EXOC6B: variants seen among roughly 807,000 people sequenced by gnomAD.
EXOC6B encodes SEC15 homolog B.
In EXOC6B, 54 loss-of-function variants were observed where a neutral mutation model predicts 113.5. The ratio of observed to expected loss-of-function variants is 0.48; its 90% CI spans 0.38 to 0.60. The LOEUF is 0.60. Ranked by LOEUF, EXOC6B falls within the 20% of genes least tolerant of loss-of-function variation. The probability of loss-of-function intolerance (pLI) is 0.00; values close to 1 mark genes in which losing one functional copy is unlikely to be tolerated. For missense variants in EXOC6B, 797 were observed against 977.5 expected, an observed-to-expected ratio of 0.82 and a Z score of 2.46; for synonymous variants, 357 against 339.0, an observed-to-expected ratio of 1.05 and a Z score of -0.58.
At chr2:72,275,987 T>TG (rs1278043066) in intron 20 of EXOC6B, among the ~76,000 whole-genome samples, 1 of 152,014 alleles carries the variant, frequency 6.6e-6, no homozygotes, top group Non-Finnish European at 1.5e-5. Flanking sequence ...CTTCAAACAT[T>TG]CCTGAGAGAG....
chr2:72,359,262 G>A (rs1199496686), intron 19 of EXOC6B, among the ~76,000 whole-genome samples: 1 of 152,180 alleles, frequency 6.6e-6, no homozygotes, highest in Non-Finnish European at 1.5e-5. Context: ...TTTAGGAGGT[G>A]ATTAGGGCAT....
At chr2:72,642,501 C>T (rs1325980410) in intron 6 of EXOC6B, among the ~76,000 whole-genome samples, 1 of 148,214 alleles carries the variant, frequency 6.7e-6, no homozygotes, top group Non-Finnish European at 1.5e-5. Flanking sequence ...CTGAGAAAAA[C>T]AAGCAATGGG....
At chr2:72,778,555 T>C (rs1371496567) in intron 1 of EXOC6B, among the ~76,000 whole-genome samples, 1 of 152,192 alleles carries the variant, frequency 6.6e-6, no homozygotes, top group Non-Finnish European at 1.5e-5. Context: ...TGTATACTAG[T>C]TACCAAAAAA....
chr2:72,189,860 C>CTTCT (rs1178321834), intron 20 of EXOC6B, among the ~76,000 whole-genome samples: 31 of 87,254 alleles, frequency 3.6e-4, no homozygotes, highest in African/African-American at 5.9e-4. Context: ...CCTTCTTCTT[C>CTTCT]TTTTTTTTTT....
intron 18 of EXOC6B, among the ~76,000 whole-genome samples, chr2:72,454,687 A>T (rs1448707961): frequency 6.6e-6 from 1 of 152,320 alleles, no homozygotes; most frequent in Non-Finnish European, 1.5e-5. Context: ...CTTTTATTTA[A>T]TAATTACAAG....
At chr2:72,649,949 C>T (rs1674034588) in intron 6 of EXOC6B, among the ~76,000 whole-genome samples, 1 of 152,162 alleles carries the variant, frequency 6.6e-6, no homozygotes, top group African/African-American at 2.4e-5. Flanking sequence ...AAAACAAAAA[C>T]CTGAAAACCT....
At chr2:72,412,502 G>A (rs886671667) in intron 18 of EXOC6B, among the ~76,000 whole-genome samples, 4 of 152,290 alleles carry the variant, frequency 2.6e-5, no homozygotes, top group African/African-American at 9.6e-5. Context: ...CTATATGAAT[G>A]ATTACCACAA....
At chr2:72,590,784 T>C (rs1312481107) in intron 6 of EXOC6B, among the ~76,000 whole-genome samples, 2 of 152,048 alleles carry the variant, frequency 1.3e-5, no homozygotes, top group African/African-American at 4.8e-5. Flanking sequence ...CTACTACCTA[T>C]TCCTTTAAGA....
At chr2:72,541,451 G>C (rs369827729) in intron 8 of EXOC6B, among the ~76,000 whole-genome samples, 90 of 151,282 alleles carry the variant, frequency 5.9e-4, no homozygotes, top group African/African-American at 2.0e-3. Flanking sequence ...CTGGCCCCTA[G>C]ACTATAGTCT....
intron 20 of EXOC6B, among the ~76,000 whole-genome samples, chr2:72,315,365 G>T (rs1268787223): frequency 6.6e-6 from 1 of 151,806 alleles, no homozygotes; most frequent in East Asian, 1.9e-4. Flanking sequence ...GTGTGTGAAG[G>T]TTCTATAGGA....
chr2:72,407,455 A>G (rs975454762), intron 18 of EXOC6B, among the ~76,000 whole-genome samples: 1 of 152,222 alleles, frequency 6.6e-6, no homozygotes, highest in African/African-American at 2.4e-5. Context: ...ACATCGATGC[A>G]AAAATCCTCA....
intron 18 of EXOC6B, among the ~76,000 whole-genome samples, chr2:72,392,713 T>C (rs539091449): frequency 6.6e-6 from 1 of 152,316 alleles, no homozygotes; most frequent in East Asian, 1.9e-4. Flanking sequence ...CAGCAGAGTT[T>C]TGAGTTTTGT....
intron 11 of EXOC6B, 67 bp from the exon 12 acceptor site, chr2:72,500,039 T>TAAAA: frequency 2.8e-6 from 3 of 1,088,750 alleles, no homozygotes; most frequent in Non-Finnish European, 4.1e-6. Flanking sequence ...AATTTTTATT[T>TAAAA]ATTTAATTGT....
At chr2:72,409,129 C>G (rs1464762614) in intron 18 of EXOC6B, among the ~76,000 whole-genome samples, 1 of 152,182 alleles carries the variant, frequency 6.6e-6, no homozygotes, top group Non-Finnish European at 1.5e-5. Flanking sequence ...CTTATCATCA[C>G]TGGCCATCAG....
chr2:72,247,244 T>C (rs1682724421), intron 20 of EXOC6B, among the ~76,000 whole-genome samples: 1 of 152,150 alleles, frequency 6.6e-6, no homozygotes, highest in Non-Finnish European at 1.5e-5. Context: ...ATCGCAGAAA[T>C]GAAGAAGTGG....
intron 20 of EXOC6B, among the ~76,000 whole-genome samples, chr2:72,206,364 C>T (rs1679840145): frequency 6.6e-6 from 1 of 152,182 alleles, no homozygotes; most frequent in Admixed American, 6.5e-5. Context: ...TGTCCTCCTC[C>T]TTTTCCCACC....
In EXOC6B at chr2:72,825,878, G is replaced by C; in HGVS notation, c.33C>G (p.Ser11Arg). MERGKMAEAE[S>R]LETAAEHERI... ...GCTCGTGCTCTGCCGCTGTCTCCAG[G>C]CTCTCCGCCTCCGCCATCTTACCCC... The change falls in exon 1 of 22, where the codon AGC (serine) becomes AGG (arginine). Residue 11 changes from serine (S) to arginine (R), a missense_variant. Coordinates refer to ENST00000272427, the MANE Select transcript of EXOC6B (RefSeq NM_015189.3). This position sits in a 1 kb window ranked among gnomAD's most constrained non-coding sequence, Gnocchi z 4.4. 6.2e-7 allele frequency: 1 copy of C among 1,613,404 alleles called. No homozygotes were observed. Among genetic ancestry groups the C allele is most frequent in the Non-Finnish European group, 8.5e-7 (1 of 1,179,730 alleles).
chr2:72,697,880 G>C (rs1191525565), intron 6 of EXOC6B, among the ~76,000 whole-genome samples: 1 of 152,146 alleles, frequency 6.6e-6, no homozygotes, highest in Non-Finnish European at 1.5e-5. Flanking sequence ...CTGGTAGAAA[G>C]AATGACAAAG....
At chr2:72,619,668 A>G (rs1671627768) in intron 6 of EXOC6B, among the ~76,000 whole-genome samples, 1 of 152,148 alleles carries the variant, frequency 6.6e-6, no homozygotes, top group African/African-American at 2.4e-5. Context: ...GAGATTGAAG[A>G]GGGGGAAATC....
Sources: allele counts gnomAD v4.1 joint callset (sites outside exome capture counted in the v4.1 genomes callset), GRCh38; gene constraint gnomAD v4.1.1; non-coding constraint Gnocchi (gnomAD v3.1); transcripts MANE v1.5; gene names NCBI Gene and HGNC (gene_info 2026-07-23, HGNC 2026-07-21).